The following NBEAL1 variants were observed in gnomAD, a reference collection of about 807,000 sequenced individuals.
NBEAL1 encodes the protein neurobeachin-like protein 1.
Under a neutral mutation model 351.3 loss-of-function variants are expected in NBEAL1, and 273 were observed. The ratio of observed to expected loss-of-function variants is 0.78; its 90% CI spans 0.70 to 0.86. The LOEUF is 0.86. Among genes scored for constraint, NBEAL1 ranks in the 40% least tolerant of loss-of-function variants. The pLI is 0.00. For synonymous variants in NBEAL1, 1,050 were observed against 1,086.4 expected, an observed-to-expected ratio of 0.97 and a Z score of 0.66; for missense variants, 2,961 against 3,201.3, an observed-to-expected ratio of 0.92 and a Z score of 1.81.
chr2:203,039,948 G>A (rs1336891126), intron 2 of NBEAL1, among the ~76,000 whole-genome samples: 1 of 152,180 alleles, frequency 6.6e-6, no homozygotes, highest in Non-Finnish European at 1.5e-5. Context: ...GATGAAAGGT[G>A]ATAAAGGACC....
At chr2:203,162,263 A>T (rs1416493910) in intron 36 of NBEAL1, among the ~76,000 whole-genome samples, 2 of 151,750 alleles carry the variant, frequency 1.3e-5, no homozygotes, top group Non-Finnish European at 2.9e-5. Flanking sequence ...ACCCCAAGTG[A>T]TACTCCCACC....
intron 41 of NBEAL1, among the ~76,000 whole-genome samples, chr2:203,174,752 G>C (rs370664961): frequency 2.0e-5 from 3 of 151,658 alleles, no homozygotes; most frequent in African/African-American, 7.3e-5. Flanking sequence ...TTAGCTGGGC[G>C]TGGTGGCAGG....
Position 203,083,976 on chromosome 2 carries a change from CTGTGTGTGTGTGTG to C in NBEAL1, c.992-455_992-442del, listed in dbSNP as rs59252809. Among the ~76,000 whole-genome samples the C allele has an allele frequency of 2.4e-3, 328 of 134,198 alleles. 2 individuals are homozygous for C. Among genetic ancestry groups the C allele is most frequent in the Non-Finnish European group, 3.7e-3 (234 of 63,170 alleles). The allele number at this position is 134,198 out of a possible 152,430, so 88.0% of individuals were successfully genotyped here. ...TTTTGTTTCTTTTTTTCCTCAGAGC[CTGTGTGTGTGTGTG>C]TGTGTGTGTGTGTGTGTGTGTGTGT... On this transcript the variant is annotated intron_variant, in intron 9 of 55. Coordinates refer to ENST00000683969, the MANE Select transcript of NBEAL1 (RefSeq NM_001378026.1).
At chr2:203,189,933 C>G (rs1203303096) in intron 45 of NBEAL1, among the ~76,000 whole-genome samples, 1 of 151,650 alleles carries the variant, frequency 6.6e-6, no homozygotes, top group Non-Finnish European at 1.5e-5. Context: ...GTCAGAAGTT[C>G]AAGACCAGCC....
At position 203,173,932 on chromosome 2, in the gene NBEAL1, G is replaced by A. The variant is rs969462386; in HGVS notation, c.6323+1079G>A. Among the ~76,000 whole-genome samples the A allele has an allele frequency of 2.0e-5, 3 of 151,756 alleles. No individual in the cohort carries two copies. In the East Asian group the frequency reaches 5.8e-4, roughly 29 times the overall value. On this transcript the variant is annotated intron_variant, in intron 41 of 55. Coordinates refer to ENST00000683969, the MANE Select transcript of NBEAL1 (RefSeq NM_001378026.1). Reference sequence around the variant, plus strand: ...TGGTTTTTGAAATTCAGTGTTTATGGCCTACAAAAATCTTTTATTCTTATT... The same window carrying A: ...TGGTTTTTGAAATTCAGTGTTTATGACCTACAAAAATCTTTTATTCTTATT...
intron 2 of NBEAL1, among the ~76,000 whole-genome samples, chr2:203,030,582 A>G (rs536324142): frequency 6.6e-6 from 1 of 152,340 alleles, no homozygotes; most frequent in South Asian, 2.1e-4. Context: ...CAACTTTGGC[A>G]TAAGGATCAA....
chr2:203,077,764 A>G lies in NBEAL1; in HGVS notation c.611A>G (p.Glu204Gly). ...TTATTATTTACAGAATGTTTTCAGG[A>G]AAGTGAACATCTCAAGGAAAGTCTT... ...FVPFFYQCFQ[E>G]SEHLKESLKC... Residue 204 changes from glutamate to glycine, a missense_variant, in exon 8 of 56, where the codon GAA (glutamate) becomes GGA (glycine). Transcript: ENST00000683969. The G allele has an allele frequency of 7.0e-7, 1 of 1,436,326 alleles. No individual in the cohort carries two copies. The highest frequency in any genetic ancestry group is 9.2e-7 in the Non-Finnish European group (1 of 1,085,210). 89.0% of individuals were successfully genotyped at this position (1,436,326 alleles called of 1,614,324 possible). A position where few individuals can be genotyped will look rare whatever the true frequency, so the allele number is the denominator to read the frequency against.
Position 203,099,659 on chromosome 2 carries a change from A to T in NBEAL1, c.1216A>T (p.Ile406Leu). The T allele has an allele frequency of 6.4e-7, 1 of 1,551,888 alleles. No homozygotes were observed. The highest frequency in any genetic ancestry group is 8.7e-7 in the Non-Finnish European group (1 of 1,146,902). ...VFQGQLDCLA[I>L]STIQALTAVM... Reference sequence around the variant, plus strand: ...TCAGGGACAATTGGATTGTTTGGCCATATCAACCATTCAGGCTTTGACCGC... The same window carrying T: ...TCAGGGACAATTGGATTGTTTGGCCTTATCAACCATTCAGGCTTTGACCGC... Residue 406 changes from isoleucine to leucine, a missense_variant, in exon 12 of 56, where the codon ATA (isoleucine) becomes TTA (leucine). Ile to Leu is a conservative substitution (Grantham distance 5). Transcript: ENST00000683969.
chr2:203,072,418 T>TTTG (rs2061698554), intron 7 of NBEAL1, among the ~76,000 whole-genome samples: 1 of 152,048 alleles, frequency 6.6e-6, no homozygotes, highest in South Asian at 2.1e-4. Context: ...TTGTTTTTTT[T>TTTG]TTTTTAAATT....
intron 18 of NBEAL1, among the ~76,000 whole-genome samples, chr2:203,118,864 C>T (rs1259748705): frequency 1.3e-5 from 2 of 152,168 alleles, no homozygotes; most frequent in South Asian, 2.1e-4. Flanking sequence ...GCTGGGATTA[C>T]AGGCATGAGC....
intron 53 of NBEAL1, among the ~76,000 whole-genome samples, chr2:203,210,397 C>T (rs2065752065): frequency 6.8e-6 from 1 of 147,436 alleles, no homozygotes; most frequent in Non-Finnish European, 1.5e-5. Context: ...CGCAGTGGCT[C>T]ACGCCTGTAA....
At chr2:203,149,467 T>C (rs2063595573) in intron 34 of NBEAL1, among the ~76,000 whole-genome samples, 3 of 152,146 alleles carry the variant, frequency 2.0e-5, no homozygotes, top group Admixed American at 2.0e-4. Flanking sequence ...AATGCTGTTG[T>C]ATGTTTGAAT....
At chr2:203,206,104 A>G (rs1481291912) in intron 51 of NBEAL1, among the ~76,000 whole-genome samples, 1 of 152,250 alleles carries the variant, frequency 6.6e-6, no homozygotes, top group African/African-American at 2.4e-5. Flanking sequence ...ATTTTTTGCA[A>G]TACAATTGTG....
chr2:203,116,114 T>G (rs967305005), intron 18 of NBEAL1, 44 bp downstream of exon 18: 1 of 1,301,250 alleles, frequency 7.7e-7, no homozygotes, highest in Non-Finnish European at 1.1e-6. Flanking sequence ...ATAACTATGT[T>G]GTGAACTGCA....
chr2:203,198,749 G>A (rs748463256), intron 48 of NBEAL1, among the ~76,000 whole-genome samples: 10 of 150,210 alleles, frequency 6.7e-5, no homozygotes, highest in Non-Finnish European at 1.5e-4. Context: ...TGTGGTCCCA[G>A]CTACTCAAGA....
At chr2:203,128,078 A>T (rs2062984259) in intron 24 of NBEAL1, 141 bp downstream of exon 24, 1 of 600,156 alleles carries the variant, frequency 1.7e-6, no homozygotes, top group Admixed American at 3.5e-5. Context: ...GCACTTAAGA[A>T]GTAAATTTTA....
Position 203,175,220 on chromosome 2 carries a change from G to T in NBEAL1, c.6397G>T (p.Gly2133Trp), listed in dbSNP as rs1173839499. Residue 2133 changes from glycine (G) to tryptophan (W), a missense_variant, in exon 42 of 56, where the codon GGG becomes TGG. Physicochemically the swap from Gly to Trp is radical, Grantham distance 184. Coordinates refer to ENST00000683969, the MANE Select transcript of NBEAL1 (RefSeq NM_001378026.1). ...HYGTHYSNSA[G>W]VMHYLIRVEP... Reference sequence around the variant, plus strand: ...TGGTACTCACTATTCAAATTCTGCGGGGGTCATGCACTATCTCATTCGTGT... The same window carrying T: ...TGGTACTCACTATTCAAATTCTGCGTGGGTCATGCACTATCTCATTCGTGT... 1 of 1,613,702 alleles carries T rather than the reference G, an allele frequency of 6.2e-7. No homozygotes were observed. Among genetic ancestry groups the T allele is most frequent in the Admixed American group, 1.7e-5 (1 of 59,986 alleles).
At chr2:203,145,874 G>A (rs1397600723) in intron 33 of NBEAL1, among the ~76,000 whole-genome samples, 6 of 151,212 alleles carry the variant, frequency 4.0e-5, no homozygotes, top group Non-Finnish European at 4.4e-5. Flanking sequence ...AGTAAGGAAT[G>A]AGTAAAGATA....
At chr2:203,079,917 A>G (rs189009036) in intron 8 of NBEAL1, among the ~76,000 whole-genome samples, 82 of 152,310 alleles carry the variant, frequency 5.4e-4, no homozygotes, top group Non-Finnish European at 1.0e-3. Context: ...ATCTTCTAGC[A>G]GTAAGCAACT....
Sources: allele counts gnomAD v4.1 joint callset (sites outside exome capture counted in the v4.1 genomes callset), GRCh38; gene constraint gnomAD v4.1.1; transcripts MANE v1.5; gene names NCBI Gene and HGNC (gene_info 2026-07-23, HGNC 2026-07-21).